The following SMARCD3 variants were observed in gnomAD, a reference collection of about 807,000 sequenced individuals.
SMARCD3 encodes the protein SWI/SNF related BAF chromatin remodeling complex subunit D3, also known as SWI/SNF-related matrix-associated actin-dependent regulator of chromatin subfamily D member 3.
Under a neutral mutation model 58.0 loss-of-function variants are expected in SMARCD3, and 14 were observed. The ratio of observed to expected loss-of-function variants is 0.24; its 90% CI spans 0.16 to 0.38. The LOEUF is 0.38. Among genes scored for constraint, SMARCD3 ranks in the 10% least tolerant of loss-of-function variants. The probability of loss-of-function intolerance (pLI) is 1.00; values close to 1 mark genes in which losing one functional copy is unlikely to be tolerated. For missense variants in SMARCD3, 408 were observed against 636.9 expected (o/e 0.64, Z 3.87); for synonymous variants, 253 against 253.8 (o/e 1.00, Z 0.03).
chr7:151,275,044 G>C (rs886895079), intron 2 of SMARCD3: 1 of 1,309,514 alleles, frequency 7.6e-7, no homozygotes, highest in Non-Finnish European at 1.1e-6. Context: ...AGCAGGAGCC[G>C]AGGGCTGGCC....
chr7:151,262,929 A>G (rs528958841), intron 2 of SMARCD3, among the ~76,000 whole-genome samples: 1 of 152,330 alleles, frequency 6.6e-6, no homozygotes, highest in East Asian at 1.9e-4. Flanking sequence ...AGGGCAGGAC[A>G]GGTGCCCTGC....
At chr7:151,258,538 C>A (rs1463640062) in intron 2 of SMARCD3, among the ~76,000 whole-genome samples, 2 of 143,994 alleles carry the variant, frequency 1.4e-5, no homozygotes, top group Non-Finnish European at 3.0e-5. Flanking sequence ...GCACTCCAGC[C>A]TGGGCAACAG....
intron 2 of SMARCD3, among the ~76,000 whole-genome samples, chr7:151,265,532 G>A (rs1235819744): frequency 6.6e-6 from 1 of 152,184 alleles, no homozygotes; most frequent in Non-Finnish European, 1.5e-5. Flanking sequence ...TGCTCTTCAG[G>A]ACTCCCAGGG....
chr7:151,275,159 C>T (rs1440644579), exon 2 of SMARCD3: 2 of 1,611,368 alleles, frequency 1.2e-6, no homozygotes, highest in African/African-American at 1.3e-5. Flanking sequence ...TCATAGATGG[C>T]AGGGTCCTGC....
intron 2 of SMARCD3, among the ~76,000 whole-genome samples, chr7:151,256,214 C>T (rs1035735553): frequency 3.6e-5 from 5 of 138,226 alleles, no homozygotes; most frequent in African/African-American, 1.4e-4. Flanking sequence ...CAGAGTGTCG[C>T]CCTGTTGCCC....
intron 2 of SMARCD3, among the ~76,000 whole-genome samples, chr7:151,259,773 C>A (rs540353010): frequency 6.6e-6 from 1 of 151,866 alleles, no homozygotes; most frequent in Non-Finnish European, 1.5e-5. Flanking sequence ...CCATGCCCAG[C>A]TAATTTTTGT....
rs1563652323 is a variant in SMARCD3 at position 151,242,748 on chromosome 7, G to A, written c.429C>T (p.Ile143=). The stretch of plus-strand genomic sequence containing the variant: ...TCATGGGCCTCTTCAGAGCCTCCTG[G>A]ATGTCCACCCGCTTCCGCATGATGG... ...DQTIMRKRVD[I]QEALKRPMKQ... is the part of the protein sequence containing the mutation. The change falls in exon 4 of 13, where the codon ATC becomes ATT. Residue 143 remains isoleucine, a synonymous_variant. Coordinates refer to ENST00000262188, the MANE Select transcript of SMARCD3 (RefSeq NM_001003801.2). The surrounding 1 kb of genome is among the most constrained non-coding windows in gnomAD (Gnocchi z 4.7). The A allele has an allele frequency of 3.7e-6, 6 of 1,614,092 alleles. No individual in the cohort carries two copies. Among genetic ancestry groups the A allele is most frequent in the Non-Finnish European group, 5.1e-6 (6 of 1,180,022 alleles).
chr7:151,268,349 G>A (rs555222644), intron 2 of SMARCD3, among the ~76,000 whole-genome samples: 29 of 152,266 alleles, frequency 1.9e-4, no homozygotes, highest in African/African-American at 2.9e-4. Context: ...TTTTCAGAGG[G>A]GCGAGAGCCC....
At position 151,258,689 on chromosome 7, in the gene SMARCD3, G is replaced by A. The variant is rs143222455; in HGVS notation, c.40-13018C>T. Among the ~76,000 whole-genome samples the A allele has an allele frequency of 8.5e-3, 1,299 of 152,136 alleles. 23 individuals carry two copies. The highest frequency in any genetic ancestry group is 0.029 in the African/African-American group (1,198 of 41,492). ...GGCCAAGGTCCTGAAGGTCCTGCAG[G>A]ATCTGGTCTCATCCTTACTCCCTGT... On this transcript the variant is annotated intron_variant, in intron 2 of 13. Transcript: ENST00000356800.
intron 2 of SMARCD3, among the ~76,000 whole-genome samples, chr7:151,263,548 A>G (rs1009813664): frequency 1.1e-4 from 16 of 152,184 alleles, no homozygotes; most frequent in Non-Finnish European, 1.8e-4. Context: ...CAATTCCCTC[A>G]GCCCAGCTCC....
rs557030312 is a variant in SMARCD3 at position 151,276,139 on chromosome 7, A to G, written c.-100+566T>C. ...GCGGTAGGGGAGGGGCTACCAGTCC[A>G]GGGTCGGGGGGGAGGTGCCCTGCAA... On this transcript the variant is annotated intron_variant, in intron 1 of 13. Transcript: ENST00000356800. Among the ~76,000 whole-genome samples, 181 of 114,884 alleles carry G rather than the reference A, an allele frequency of 1.6e-3. 6 individuals carry two copies. The East Asian group carries it at 0.027, about 17-fold the overall frequency. 75.4% of individuals were successfully genotyped at this position (114,884 alleles called of 152,430 possible). A position where few individuals can be genotyped will look rare whatever the true frequency, so the allele number is the denominator to read the frequency against.
At chr7:151,276,461 G>A (rs541288989) in intron 1 of SMARCD3, among the ~76,000 whole-genome samples, 6 of 146,856 alleles carry the variant, frequency 4.1e-5, no homozygotes, top group Admixed American at 2.0e-4. Flanking sequence ...GCAGGAGGGT[G>A]CCAGACGAGG....
In SMARCD3 at chr7:151,241,679, A is replaced by G; in HGVS notation, c.778-26T>C. 1 of 1,601,554 alleles carries G rather than the reference A, an allele frequency of 6.2e-7. No homozygotes were observed. The highest frequency in any genetic ancestry group is 8.5e-7 in the Non-Finnish European group (1 of 1,172,908). ...CTGGGAAAAGGGGACTGTGAAAGTT[A>G]GACCAAAGGGAGAGAAAGGAAGGAG... On this transcript the variant is annotated intron_variant, in intron 7 of 12. Transcript: ENST00000262188. This position sits in a 1 kb window ranked among gnomAD's most constrained non-coding sequence, Gnocchi z 5.3.
chr7:151,271,950 C>A (rs1795186480), intron 2 of SMARCD3, among the ~76,000 whole-genome samples: 2 of 152,170 alleles, frequency 1.3e-5, no homozygotes, highest in Non-Finnish European at 2.9e-5. Flanking sequence ...CAGCGTGAGA[C>A]TCTGTCTCTT....
At chr7:151,263,400 C>T (rs1035015413) in intron 2 of SMARCD3, among the ~76,000 whole-genome samples, 1 of 152,034 alleles carries the variant, frequency 6.6e-6, no homozygotes, top group Non-Finnish European at 1.5e-5. Flanking sequence ...AAGGCCCTAC[C>T]ACTTTCACCA....
rs1485951406 is a variant in SMARCD3, at chr7:151,243,746, T to C, written c.291-45A>G. 1.4e-6 allele frequency: 2 copies of C among 1,450,786 alleles called. No individual in the cohort carries two copies. Among genetic ancestry groups the C allele is most frequent in the South Asian group, 2.3e-5 (2 of 87,820 alleles). The allele number at this position is 1,450,786 out of a possible 1,614,324, so 89.9% of individuals were successfully genotyped here. ...AAAACCAGGTTACCATGGCGACAGA[T>C]CTGGGCGTAACGAGGCCACCTGCTA... On this transcript the variant is annotated intron_variant, in intron 2 of 12. Transcript: ENST00000262188. This position sits in a 1 kb window ranked among gnomAD's most constrained non-coding sequence, Gnocchi z 4.4.
At chr7:151,263,224 T>A (rs1374208750) in intron 2 of SMARCD3, among the ~76,000 whole-genome samples, 1 of 151,552 alleles carries the variant, frequency 6.6e-6, no homozygotes, top group African/African-American at 2.4e-5. Flanking sequence ...TGGGAAGAAG[T>A]GGAATGTGCC....
Position 151,241,370 on chromosome 7 carries a change from T to G in SMARCD3, c.939+122A>C. The G allele has an allele frequency of 1.2e-6, 1 of 844,722 alleles. No homozygotes were observed. The highest frequency in any genetic ancestry group is 2.2e-4 in the Middle Eastern group (1 of 4,644). The allele number at this position is 844,722 out of a possible 1,614,324, so 52.3% of individuals were successfully genotyped here. A position where few individuals can be genotyped will look rare whatever the true frequency, so the allele number is the denominator to read the frequency against. On this transcript the variant is annotated intron_variant, in intron 8 of 12. Coordinates refer to ENST00000262188, the MANE Select transcript of SMARCD3 (RefSeq NM_001003801.2). The surrounding 1 kb of genome is among the most constrained non-coding windows in gnomAD (Gnocchi z 5.3). ...TCTCTTGGCTCCAAGACCATGACTG[T>G]GTACTGCTTCTGCTACTCAGGAATC...
intron 2 of SMARCD3, among the ~76,000 whole-genome samples, chr7:151,256,778 A>G (rs541950539): frequency 6.6e-6 from 1 of 152,208 alleles, no homozygotes; most frequent in Non-Finnish European, 1.5e-5. Context: ...TCACTGAGAA[A>G]AAAGAAGCTT....
Sources: allele counts gnomAD v4.1 joint callset (sites outside exome capture counted in the v4.1 genomes callset), GRCh38; gene constraint gnomAD v4.1.1; non-coding constraint Gnocchi (gnomAD v3.1); transcripts MANE v1.5; gene names NCBI Gene and HGNC (gene_info 2026-07-23, HGNC 2026-07-21).